ERICH2: variants seen among roughly 807,000 people sequenced by gnomAD.
The protein encoded by ERICH2 is glutamate-rich protein 2.
A neutral mutation model predicts 17.4 loss-of-function variants in ERICH2; 17 were observed. The ratio of observed to expected loss-of-function variants is 0.98; its 90% CI spans 0.67 to 1.47. The LOEUF (loss-of-function observed/expected upper bound fraction) is 1.47, where lower values mean the gene tolerates loss of function less well. ERICH2 is among the 40% of genes most tolerant of loss of function. ERICH2 has a pLI of 0.00. For missense variants in ERICH2, 186 were observed against 183.2 expected (o/e 1.01, Z -0.09); for synonymous variants, 51 against 61.1 (o/e 0.83, Z 0.77).
intron 2 of ERICH2, among the ~76,000 whole-genome samples, chr2:170,785,269 A>C (rs1701131951): frequency 6.6e-6 from 1 of 152,164 alleles, no homozygotes; most frequent in South Asian, 2.1e-4. Context: ...AAAAATAAAC[A>C]TTTTTAAAAA....
At chr2:170,798,676 T>G (rs899028211) in intron 4 of ERICH2, 94 bp from the exon 10 acceptor site, 10 of 1,436,100 alleles carry the variant, frequency 7.0e-6, no homozygotes, top group South Asian at 2.6e-5. Context: ...TACAAATATA[T>G]GTATTTCTTG....
rs181517247 is a variant in ERICH2, at chr2:170,796,285, T to G, written c.275-1756T>G. On this transcript the variant is annotated intron_variant, in intron 3 of 4. Coordinates refer to ENST00000409885, the Ensembl canonical transcript of ERICH2. ...GGCACGCAGTCATGCTAACCCAGAT[T>G]GATGACAAATTGTTAGTTATGTTAG... is the stretch of plus-strand genomic sequence containing the variant. 1.8e-4 allele frequency among the ~76,000 whole-genome samples: 27 copies of G among 152,298 alleles called. 1 individual carries two copies. The highest frequency in any genetic ancestry group is 5.8e-4 in the African/African-American group (24 of 41,556).
intron 2 of ERICH2, among the ~76,000 whole-genome samples, chr2:170,785,161 G>A: frequency 6.6e-6 from 1 of 152,130 alleles, no homozygotes; most frequent in East Asian, 1.9e-4. Context: ...AAGTGTTTAA[G>A]ATGATGGATA....
At chr2:170,782,035 C>T (rs180705846), upstream of ERICH2, among the ~76,000 whole-genome samples, 1,191 of 152,204 alleles carry the variant, frequency 7.8e-3, 23 homozygotes, top group African/African-American at 0.027. Context: ...AATTGTTATA[C>T]GATAACAAAT....
chr2:170,792,900 C>A, exon 3 of ERICH2: 1 of 1,508,304 alleles, frequency 6.6e-7, no homozygotes, highest in Non-Finnish European at 8.9e-7. Context: ...TACCAGCTGG[C>A]AAAAAAATTA....
At chr2:170,798,705 AGAATTATTTTTCAGAGT>A in intron 4 of ERICH2, 48 bp from the exon 10 acceptor site, 1 of 1,536,144 alleles carries the variant, frequency 6.5e-7, no homozygotes, top group Non-Finnish European at 8.8e-7. Flanking sequence ...AGGGGCAAGG[AGAATTATTTTTCAGAGT>A]GAAATATTAA....
chr2:170,775,054 T>TA, the ERICH2 span, among the ~76,000 whole-genome samples: 1 of 152,076 alleles, frequency 6.6e-6, no homozygotes, highest in African/African-American at 2.4e-5. Context: ...GGAGGAGAAT[T>TA]ATGTGCACGA....
intron 2 of ERICH2, among the ~76,000 whole-genome samples, chr2:170,787,527 C>T (rs906382711): frequency 5.3e-5 from 8 of 152,230 alleles, no homozygotes; most frequent in Non-Finnish European, 1.2e-4. Context: ...TCAACCCTGT[C>T]TGATAGCCAG....
At chr2:170,775,474 A>G in the ERICH2 span, among the ~76,000 whole-genome samples, 2 of 152,262 alleles carry the variant, frequency 1.3e-5, no homozygotes, top group South Asian at 4.1e-4. Context: ...GATGCTGTAC[A>G]TCACATTTAT....
At chr2:170,774,044 A>G in the ERICH2 span, among the ~76,000 whole-genome samples, 1 of 152,178 alleles carries the variant, frequency 6.6e-6, no homozygotes, top group South Asian at 2.1e-4. Flanking sequence ...TTAAATAGAC[A>G]TTGAATAGTG....
At chr2:170,792,836 T>C in intron 2 of ERICH2, 27 bp from the exon 8 acceptor site, 2 of 1,428,750 alleles carry the variant, frequency 1.4e-6, no homozygotes, top group African/African-American at 1.4e-5. Context: ...TTAAATTCAC[T>C]TATCTGAAGA....
At chr2:170,790,133 A>G (rs1441564939) in intron 2 of ERICH2, among the ~76,000 whole-genome samples, 5 of 152,258 alleles carry the variant, frequency 3.3e-5, no homozygotes, top group Non-Finnish European at 5.9e-5. Flanking sequence ...AAAAATAACA[A>G]TAACAAATTA....
the ERICH2 span, among the ~76,000 whole-genome samples, chr2:170,772,752 C>T: frequency 1.3e-5 from 2 of 152,192 alleles, no homozygotes; most frequent in African/African-American, 4.8e-5. Context: ...GAGGATAGTG[C>T]TTAATCAGCT....
chr2:170,779,856 C>T, upstream of ERICH2: 1 of 984,728 alleles, frequency 1.0e-6, no homozygotes, highest in Non-Finnish European at 1.2e-6. Flanking sequence ...CAACACAGGT[C>T]TCTGTAAATG....
At chr2:170,777,626 T>C in the ERICH2 span, 2 of 1,227,796 alleles carry the variant, frequency 1.6e-6, no homozygotes, top group Non-Finnish European at 2.0e-6. Flanking sequence ...ATACTGAGGG[T>C]ATTTTTTTCT....
chr2:170,782,392 A>G (rs547573227), upstream of ERICH2: 5 of 983,286 alleles, frequency 5.1e-6, no homozygotes, highest in Admixed American at 2.5e-4. Context: ...AAGCACAGGT[A>G]ATAACATTTG....
chr2:170,781,368 G>T (rs1447644173), upstream of ERICH2, among the ~76,000 whole-genome samples: 1 of 152,164 alleles, frequency 6.6e-6, no homozygotes, highest in East Asian at 1.9e-4. Flanking sequence ...GGGCACAGTG[G>T]TTCATGCCTG....
At chr2:170,785,356 G>A (rs1257157126) in intron 2 of ERICH2, among the ~76,000 whole-genome samples, 2 of 152,094 alleles carry the variant, frequency 1.3e-5, no homozygotes, top group Non-Finnish European at 2.9e-5. Flanking sequence ...CCAGGTTAGA[G>A]GTGAAAGAAG....
chr2:170,778,765 C>T, the ERICH2 span, among the ~76,000 whole-genome samples: 2 of 151,918 alleles, frequency 1.3e-5, no homozygotes, highest in Non-Finnish European at 2.9e-5. Flanking sequence ...ATATAACTTT[C>T]AATAATAGTA....
Sources: gnomAD v4.1 joint callset for allele counts (sites outside exome capture counted in the v4.1 genomes callset) on GRCh38, gnomAD v4.1.1 for gene constraint, MANE v1.5 for transcripts, NCBI Gene and HGNC (gene_info 2026-07-23, HGNC 2026-07-21) for gene names.